PTPRZ1: variants seen among roughly 807,000 people sequenced by gnomAD.
PTPRZ1 encodes the protein receptor-type tyrosine-protein phosphatase zeta.
PTPRZ1 carries 82 observed loss-of-function variants against 214.1 expected under a neutral mutation model. That is an observed-to-expected ratio of 0.38 (90% CI 0.32 to 0.46). The LOEUF (loss-of-function observed/expected upper bound fraction) is 0.46, where lower values mean the gene tolerates loss of function less well. Ranked by LOEUF, PTPRZ1 falls within the 20% of genes least tolerant of loss-of-function variation. PTPRZ1 has a pLI of 1.00. For synonymous variants in PTPRZ1, 945 were observed against 987.9 expected (o/e 0.96, Z 0.81); for missense variants, 2,603 against 2,748.7 (o/e 0.95, Z 1.19).
At chr7:121,896,789 AG>A (rs1286236941) in intron 1 of PTPRZ1, among the ~76,000 whole-genome samples, 2 of 151,798 alleles carry the variant, frequency 1.3e-5, no homozygotes, top group African/African-American at 2.4e-5. Context: ...AAAAAAAAAA[AG>A]AAACAAGAAC....
At chr7:122,037,253 C>A (rs1437108827) in intron 18 of PTPRZ1, among the ~76,000 whole-genome samples, 1 of 145,050 alleles carries the variant, frequency 6.9e-6, no homozygotes, top group African/African-American at 2.6e-5. Flanking sequence ...CCAGCCTGGG[C>A]AACAGAGTGA....
At chr7:121,922,915 T>C (rs1563019245) in intron 1 of PTPRZ1, among the ~76,000 whole-genome samples, 1 of 152,196 alleles carries the variant, frequency 6.6e-6, no homozygotes, top group East Asian at 1.9e-4. Context: ...TTCCTCAAAA[T>C]ATATGCAACA....
Position 122,061,108 on chromosome 7 carries a change from T to C in PTPRZ1, c.6836T>C (p.Ile2279Thr). The change falls in exon 30 of 30, where the codon ATC becomes ACC. Residue 2279 changes from isoleucine (I) to threonine (T), a missense_variant. Transcript: ENST00000393386. ...IEQYQFLYKV[I>T]LSLVSTRQEE... ...CAGTATCAGTTTCTCTACAAAGTGA[T>C]CCTCAGCCTTGTGAGCACAAGGCAG... The C allele has an allele frequency of 6.2e-7, 1 of 1,610,752 alleles. No individual in the cohort carries two copies. Among genetic ancestry groups the C allele is most frequent in the Non-Finnish European group, 8.5e-7 (1 of 1,177,814 alleles).
chr7:121,962,478 A>C (rs999480313), intron 2 of PTPRZ1, among the ~76,000 whole-genome samples: 2 of 130,780 alleles, frequency 1.5e-5, no homozygotes, highest in Non-Finnish European at 3.3e-5. Context: ...AATAATAATA[A>C]TAATGTTTTA....
At chr7:121,900,431 G>T (rs1405749423) in intron 1 of PTPRZ1, among the ~76,000 whole-genome samples, 1 of 152,112 alleles carries the variant, frequency 6.6e-6, no homozygotes, top group African/African-American at 2.4e-5. Flanking sequence ...CCCATTGATG[G>T]TTTAGAACCC....
intron 11 of PTPRZ1, among the ~76,000 whole-genome samples, chr7:122,008,032 G>T (rs926949614): frequency 6.6e-6 from 1 of 152,038 alleles, no homozygotes; most frequent in Non-Finnish European, 1.5e-5. Context: ...TTTATAGAAC[G>T]CATATGTATC....
chr7:122,031,384 T>C, intron 14 of PTPRZ1, 90 bp from the exon 15 acceptor site: 1 of 868,526 alleles, frequency 1.2e-6, no homozygotes, highest in Non-Finnish European at 1.9e-6. Context: ...TACAAATAAT[T>C]GAAGTTGTTT....
Position 122,013,705 on chromosome 7 carries a change from A to G in PTPRZ1, c.4659A>G (p.Gln1553=). 6.2e-7 allele frequency: 1 copy of G among 1,614,246 alleles called. No individual in the cohort carries two copies. The highest frequency in any genetic ancestry group is 8.5e-7 in the Non-Finnish European group (1 of 1,180,038). Residue 1553 remains glutamine, a synonymous_variant, in exon 12 of 30, where the codon CAA becomes CAG. Coordinates refer to ENST00000393386, the MANE Select transcript of PTPRZ1 (RefSeq NM_002851.3). ...LTSDEESGSG[Q]GTSDSLNENE... ...GTGATGAAGAAAGTGGATCAGGGCA[A>G]GGTACCTCAGATAGCCTTAATGAGA...
chr7:121,973,383 G>A (rs1339120255), intron 4 of PTPRZ1, among the ~76,000 whole-genome samples: 2 of 151,980 alleles, frequency 1.3e-5, no homozygotes, highest in Admixed American at 1.3e-4. Context: ...ATGTTAAGTG[G>A]TATAACCAGT....
At chr7:121,973,246 C>A (rs938201806) in intron 4 of PTPRZ1, among the ~76,000 whole-genome samples, 6 of 151,390 alleles carry the variant, frequency 4.0e-5, no homozygotes, top group Non-Finnish European at 8.8e-5. Flanking sequence ...TAATATTGAA[C>A]CAAAAGGCAA....
At chr7:121,987,453 G>A (rs557203098) in intron 8 of PTPRZ1, among the ~76,000 whole-genome samples, 1 of 152,158 alleles carries the variant, frequency 6.6e-6, no homozygotes, top group African/African-American at 2.4e-5. Context: ...TCAAACGGTA[G>A]CTCTGTTTTA....
At chr7:121,947,280 A>G (rs1796412493) in intron 2 of PTPRZ1, among the ~76,000 whole-genome samples, 1 of 152,110 alleles carries the variant, frequency 6.6e-6, no homozygotes, top group African/African-American at 2.4e-5. Context: ...GATATACAAC[A>G]ATTACTTAAT....
At chr7:121,955,142 T>C (rs1796665328) in intron 2 of PTPRZ1, among the ~76,000 whole-genome samples, 1 of 152,210 alleles carries the variant, frequency 6.6e-6, no homozygotes, top group Admixed American at 6.5e-5. Flanking sequence ...TTGACCCTTT[T>C]ACCAAAGGTA....
At chr7:121,956,360 A>G (rs544519013) in intron 2 of PTPRZ1, among the ~76,000 whole-genome samples, 2 of 152,338 alleles carry the variant, frequency 1.3e-5, no homozygotes, top group East Asian at 3.9e-4. Context: ...GTATACAACA[A>G]CTTTCAAAAA....
chr7:122,058,128 A>G (rs927110925), intron 27 of PTPRZ1, among the ~76,000 whole-genome samples: 4 of 151,742 alleles, frequency 2.6e-5, no homozygotes, highest in Non-Finnish European at 5.9e-5. Flanking sequence ...AATTTCCTCT[A>G]TTGTTTTTCT....
Position 122,039,581 on chromosome 7 carries a change from T to A in PTPRZ1, c.5630T>A (p.Ile1877Lys). The A allele has an allele frequency of 6.2e-7, 1 of 1,612,264 alleles. No homozygotes were observed. Among genetic ancestry groups the A allele is most frequent in the Admixed American group, 1.7e-5 (1 of 59,586 alleles). Residue 1877 changes from isoleucine (I) to lysine (K), a missense_variant, in exon 20 of 30, where the codon ATA becomes AAA. Physicochemically the swap from Ile to Lys is moderately radical, Grantham distance 102. This residue lies in a region of PTPRZ1 where 1,913 missense variants were observed against 1,914.3 expected (regional missense o/e 1.00). Coordinates refer to ENST00000393386, the MANE Select transcript of PTPRZ1 (RefSeq NM_002851.3). ...AATTTTACTCTAAGAAACACAAAAATAAAAAAGGTGAGTCAACAAAATGAT... is the reference window on the plus strand; with the variant it reads ...AATTTTACTCTAAGAAACACAAAAAAAAAAAAGGTGAGTCAACAAAATGAT... ...VRNFTLRNTK[I>K]KKGSQKGRPS...
At chr7:121,880,546 C>G (rs1794207717) in intron 1 of PTPRZ1, among the ~76,000 whole-genome samples, 1 of 152,236 alleles carries the variant, frequency 6.6e-6, no homozygotes, top group Admixed American at 6.5e-5. Flanking sequence ...AAGGATGGGT[C>G]TCACTATGAG....
At chr7:122,051,732 G>A (rs1424623702) in intron 24 of PTPRZ1, 134 bp from the exon 25 acceptor site, 1 of 924,912 alleles carries the variant, frequency 1.1e-6, no homozygotes, top group Non-Finnish European at 1.7e-6. Flanking sequence ...TTACAGATCA[G>A]AGACACTTCA....
At chr7:122,033,707 C>T (rs1799454249) in intron 15 of PTPRZ1, among the ~76,000 whole-genome samples, 2 of 151,960 alleles carry the variant, frequency 1.3e-5, no homozygotes, top group Admixed American at 1.3e-4. Context: ...CAAAAAAGCA[C>T]ATCACTAATT....
Sources: allele counts gnomAD v4.1 joint callset (sites outside exome capture counted in the v4.1 genomes callset), GRCh38; gene constraint gnomAD v4.1.1; regional missense constraint gnomAD v4.1.1; transcripts MANE v1.5; gene names NCBI Gene and HGNC (gene_info 2026-07-23, HGNC 2026-07-21).